Variants in MB21D2 observed in about 807,000 individuals in gnomAD.
MB21D2 encodes the protein nucleotidyltransferase MB21D2.
Under a neutral mutation model 33.3 loss-of-function variants are expected in MB21D2, and 9 were observed. The observed-to-expected ratio is 0.27, with a 90% CI of 0.16 to 0.47. The LOEUF is 0.47. Ranked by LOEUF, MB21D2 falls within the 20% of genes least tolerant of loss-of-function variation. The pLI, the probability that MB21D2 is intolerant of heterozygous loss-of-function variation, is 0.99. For missense variants in MB21D2, 540 were observed against 624.6 expected (o/e 0.86, Z 1.44); for synonymous variants, 241 against 236.3 (o/e 1.02, Z -0.18).
chr3:192,857,809 T>G (rs1383764522), intron 1 of MB21D2, among the ~76,000 whole-genome samples: 1 of 152,052 alleles, frequency 6.6e-6, no homozygotes, highest in African/African-American at 2.4e-5. Flanking sequence ...AGTCAATGGA[T>G]CTGGCAAAAT....
intron 1 of MB21D2, among the ~76,000 whole-genome samples, chr3:192,827,068 G>A (rs574075437): frequency 6.6e-6 from 1 of 151,890 alleles, no homozygotes; most frequent in Non-Finnish European, 1.5e-5. Context: ...CTAATTTTTT[G>A]TATTTTTTTA....
At chr3:192,850,203 C>T (rs1178666038) in intron 1 of MB21D2, among the ~76,000 whole-genome samples, 1 of 152,200 alleles carries the variant, frequency 6.6e-6, no homozygotes, top group Non-Finnish European at 1.5e-5. Flanking sequence ...CAGGCATGAG[C>T]CACCGCGCCC....
intron 1 of MB21D2, among the ~76,000 whole-genome samples, chr3:192,836,370 T>G (rs1271776607): frequency 6.6e-6 from 1 of 152,202 alleles, no homozygotes; most frequent in African/African-American, 2.4e-5. Context: ...TGTTATGGGC[T>G]AAGTTGTGGA....
rs868198760 is a variant in MB21D2 at position 192,885,588 on chromosome 3, G to A, written c.211+32042C>T. Among the ~76,000 whole-genome samples, 10 of 152,168 alleles carry A rather than the reference G, an allele frequency of 6.6e-5. 1 individual carries two copies. In the Middle Eastern group the frequency reaches 0.031, roughly 466 times the overall value. On this transcript the variant is annotated intron_variant, in intron 1 of 1. Coordinates refer to ENST00000392452, the MANE Select transcript of MB21D2 (RefSeq NM_178496.4). Reference sequence around the variant, plus strand: ...ACAGTCCTCTAAGAAGCTCCAAGAAGCTCCTTCTCAATCATCTTTAAAACC... The same window carrying A: ...ACAGTCCTCTAAGAAGCTCCAAGAAACTCCTTCTCAATCATCTTTAAAACC...
rs895578616 is a variant in MB21D2 at position 192,805,735 on chromosome 3, CA to C, written c.212-6086del. Among the ~76,000 whole-genome samples the C allele has an allele frequency of 6.4e-4, 97 of 152,248 alleles. 1 individual carries two copies. The highest frequency in any genetic ancestry group is 2.3e-3 in the African/African-American group (94 of 41,546). ...TTCCAATTCCTTATCTATTAAAAAA[CA>C]AACAAATTGATGAAAAGTAAGTAAA... On this transcript the variant is annotated intron_variant, in intron 1 of 1. Transcript: ENST00000392452.
Position 192,887,711 on chromosome 3 carries a change from A to G in MB21D2, c.211+29919T>C, listed in dbSNP as rs143479135. Among the ~76,000 whole-genome samples the G allele has an allele frequency of 4.6e-5, 7 of 152,230 alleles. No individual in the cohort carries two copies. In the East Asian group the frequency reaches 1.3e-3, roughly 29 times the overall value. On this transcript the variant is annotated intron_variant, in intron 1 of 1. Transcript: ENST00000392452. The stretch of plus-strand genomic sequence containing the variant: ...CCAACAAAAAATATTTTTTCCCTTT[A>G]CTAACAGGTTGCTTTGCTCTTACGT...
At chr3:192,901,413 CA>C (rs71635401) in intron 1 of MB21D2, among the ~76,000 whole-genome samples, 5,065 of 100,720 alleles carry the variant, frequency 0.05, 82 homozygotes, top group African/African-American at 0.085. Context: ...ACTAAAAATT[CA>C]AAAAAAAAAA....
At chr3:192,810,050 C>T (rs1711752638) in intron 1 of MB21D2, among the ~76,000 whole-genome samples, 2 of 152,174 alleles carry the variant, frequency 1.3e-5, no homozygotes, top group African/African-American at 2.4e-5. Flanking sequence ...GTGGAGGTAG[C>T]CAGGAACATG....
At chr3:192,895,813 A>G (rs1577199692) in intron 1 of MB21D2, among the ~76,000 whole-genome samples, 1 of 151,926 alleles carries the variant, frequency 6.6e-6, no homozygotes, top group African/African-American at 2.4e-5. Context: ...GCTCATTGCA[A>G]CCTCTGCCTC....
At chr3:192,915,026 G>A (rs1273867653) in intron 1 of MB21D2, among the ~76,000 whole-genome samples, 1 of 152,206 alleles carries the variant, frequency 6.6e-6, no homozygotes, top group African/African-American at 2.4e-5. Context: ...CCTGAAACAT[G>A]AGGCAGTATT....
chr3:192,851,853 A>G (rs1577183564), intron 1 of MB21D2, among the ~76,000 whole-genome samples: 1 of 152,296 alleles, frequency 6.6e-6, no homozygotes, highest in East Asian at 1.9e-4. Flanking sequence ...CTACTCCAAG[A>G]CAGTGCCCAA....
intron 1 of MB21D2, among the ~76,000 whole-genome samples, chr3:192,826,293 G>A (rs1319931705): frequency 6.6e-6 from 1 of 152,200 alleles, no homozygotes; most frequent in Non-Finnish European, 1.5e-5. Context: ...CACAGGGCTT[G>A]TAGGAAGGTA....
At chr3:192,917,594 C>T in intron 1 of MB21D2, 36 bp downstream of exon 1, 1 of 1,604,720 alleles carries the variant, frequency 6.2e-7, no homozygotes, top group African/African-American at 1.4e-5. Flanking sequence ...ATCACACACA[C>T]ACACGCACAC....
intron 1 of MB21D2, among the ~76,000 whole-genome samples, chr3:192,815,479 T>C (rs1037413519): frequency 2.0e-5 from 3 of 152,230 alleles, no homozygotes; most frequent in African/African-American, 7.2e-5. Flanking sequence ...TGAAATGCTT[T>C]TAAAAATTGA....
intron 1 of MB21D2, among the ~76,000 whole-genome samples, chr3:192,825,994 C>G (rs1712166302): frequency 6.6e-6 from 1 of 152,158 alleles, no homozygotes; most frequent in African/African-American, 2.4e-5. Flanking sequence ...GTGGTGTGGT[C>G]TAGCAGCAAC....
intron 1 of MB21D2, among the ~76,000 whole-genome samples, chr3:192,802,366 T>C (rs928801113): frequency 7.2e-5 from 9 of 125,586 alleles, no homozygotes; most frequent in African/African-American, 2.7e-4. Flanking sequence ...TTCATAAACA[T>C]CCTAACTCCA....
intron 1 of MB21D2, among the ~76,000 whole-genome samples, chr3:192,839,933 C>A (rs1229564040): frequency 1.3e-5 from 2 of 150,594 alleles, no homozygotes; most frequent in African/African-American, 5.0e-5. Context: ...TAGGGAAACT[C>A]ACTGTGGAGA....
intron 1 of MB21D2, among the ~76,000 whole-genome samples, chr3:192,801,189 A>G (rs1466913784): frequency 6.6e-6 from 1 of 152,194 alleles, no homozygotes; most frequent in Non-Finnish European, 1.5e-5. Flanking sequence ...AAATTCTTAA[A>G]GGCTAGACTT....
At chr3:192,803,656 T>C (rs1711598921) in intron 1 of MB21D2, among the ~76,000 whole-genome samples, 1 of 152,204 alleles carries the variant, frequency 6.6e-6, no homozygotes, top group East Asian at 1.9e-4. Flanking sequence ...TCATGGCAGA[T>C]GGGTTGCCAT....
Sources: gnomAD v4.1 joint callset for allele counts (sites outside exome capture counted in the v4.1 genomes callset) on GRCh38, gnomAD v4.1.1 for gene constraint, MANE v1.5 for transcripts, NCBI Gene and HGNC (gene_info 2026-07-23, HGNC 2026-07-21) for gene names.